Variants in PRKN observed in about 807,000 individuals in gnomAD.
The protein encoded by PRKN is parkin RBR E3 ubiquitin protein ligase, also known as E3 ubiquitin-protein ligase parkin.
A neutral mutation model predicts 59.5 loss-of-function variants in PRKN; 56 were observed. That is an observed-to-expected ratio of 0.94 (90% CI 0.76 to 1.18). The LOEUF (loss-of-function observed/expected upper bound fraction) is 1.18. PRKN is among the 50% of genes most tolerant of loss of function. The pLI is 0.00. For missense variants in PRKN, 657 were observed against 596.4 expected, an observed-to-expected ratio of 1.10 and a Z score of -1.06; for synonymous variants, 250 against 222.1, an observed-to-expected ratio of 1.13 and a Z score of -1.12.
chr6:162,627,705 A>G (rs1417715384), intron 1 of PRKN, among the ~76,000 whole-genome samples: 4 of 152,186 alleles, frequency 2.6e-5, no homozygotes, highest in Non-Finnish European at 5.9e-5. Context: ...AGGTGGAGAG[A>G]CACAAGAATC....
At chr6:162,222,995 C>T (rs1353751205) in intron 3 of PRKN, among the ~76,000 whole-genome samples, 15 of 148,830 alleles carry the variant, frequency 1.0e-4, no homozygotes, top group Non-Finnish European at 2.1e-4. Context: ...TCTCCTAATG[C>T]TATCCCTCCC....
intron 3 of PRKN, among the ~76,000 whole-genome samples, chr6:162,245,275 C>A (rs1253867150): frequency 2.0e-5 from 3 of 152,002 alleles, no homozygotes; most frequent in Admixed American, 6.6e-5. Flanking sequence ...AGCAGACAAC[C>A]TCAAATATTA....
rs538539524 is a variant in PRKN, at chr6:162,314,112, T to C, written c.172-51347A>G. On this transcript the variant is annotated intron_variant, in intron 2 of 11. Coordinates refer to ENST00000366898, the MANE Select transcript of PRKN (RefSeq NM_004562.3). Reference sequence around the variant, plus strand: ...TGTAGCGCTTGCTCTCTGAGGTGTGTCTACTACACAACACAGAGTTCCCAT... The same window carrying C: ...TGTAGCGCTTGCTCTCTGAGGTGTGCCTACTACACAACACAGAGTTCCCAT... 9.3e-4 allele frequency among the ~76,000 whole-genome samples: 141 copies of C among 152,236 alleles called. 5 individuals carry two copies. The highest frequency in any genetic ancestry group is 9.2e-3 in the Admixed American group (140 of 15,284).
intron 2 of PRKN, among the ~76,000 whole-genome samples, chr6:162,327,959 G>A (rs1783373051): frequency 3.9e-5 from 6 of 152,116 alleles, no homozygotes; most frequent in Admixed American, 3.9e-4. Flanking sequence ...TTGGATCACA[G>A]ACGGAGATCC....
chr6:161,608,169 T>C (rs370087357), intron 7 of PRKN, among the ~76,000 whole-genome samples: 6 of 152,176 alleles, frequency 3.9e-5, no homozygotes, highest in African/African-American at 1.4e-4. Context: ...TGTCTCCAAT[T>C]GGAAAAATTG....
chr6:162,362,086 A>G (rs1018618921), intron 2 of PRKN, among the ~76,000 whole-genome samples: 2 of 152,214 alleles, frequency 1.3e-5, no homozygotes, highest in African/African-American at 2.4e-5. Context: ...ACATTTTGCC[A>G]AATATGCAGT....
intron 6 of PRKN, among the ~76,000 whole-genome samples, chr6:161,902,550 T>TATCTATCTATCTATC (rs1554245408): frequency 0.14 from 13,670 of 99,680 alleles, 936 homozygotes; most frequent in South Asian, 0.15. Context: ...ATCTATCTAT[T>TATCTATCTATCTATC]TATTTATTTA....
intron 5 of PRKN, among the ~76,000 whole-genome samples, chr6:161,976,317 C>T (rs1781029294): frequency 2.0e-5 from 3 of 152,306 alleles, no homozygotes; most frequent in Admixed American, 6.5e-5. Context: ...CTAAACCTAT[C>T]CTATCTGGGG....
At chr6:162,587,500 T>C (rs1031998340) in intron 1 of PRKN, among the ~76,000 whole-genome samples, 4 of 152,142 alleles carry the variant, frequency 2.6e-5, no homozygotes, top group African/African-American at 9.7e-5. Flanking sequence ...GTCTCACTTC[T>C]TGACCTGGTA....
chr6:161,946,803 T>C (rs896198498), intron 6 of PRKN, among the ~76,000 whole-genome samples: 2 of 152,164 alleles, frequency 1.3e-5, no homozygotes, highest in Admixed American at 6.6e-5. Flanking sequence ...TGTCTACTAA[T>C]AGAGCAAAGC....
At chr6:162,107,333 C>A (rs193014872) in intron 4 of PRKN, among the ~76,000 whole-genome samples, 1 of 152,258 alleles carries the variant, frequency 6.6e-6, no homozygotes, top group Non-Finnish European at 1.5e-5. Flanking sequence ...GGCATGGCGG[C>A]AGGCGCCTGT....
intron 1 of PRKN, among the ~76,000 whole-genome samples, chr6:162,519,009 A>G (rs1777978333): frequency 6.6e-6 from 1 of 152,096 alleles, no homozygotes; most frequent in East Asian, 1.9e-4. Flanking sequence ...GCACTTTAGG[A>G]AAATATAAAA....
intron 4 of PRKN, among the ~76,000 whole-genome samples, chr6:162,079,392 G>A (rs1778966436): frequency 6.6e-6 from 1 of 151,988 alleles, no homozygotes. Flanking sequence ...TTTGTAAATC[G>A]GTGTCCTCTT....
intron 1 of PRKN, among the ~76,000 whole-genome samples, chr6:162,464,760 C>T (rs1010718671): frequency 2.0e-5 from 3 of 150,916 alleles, no homozygotes; most frequent in Admixed American, 6.6e-5. Context: ...ACCCAGAAGG[C>T]GGAGCTTGCA....
chr6:162,458,834 T>C (rs548055080), intron 1 of PRKN, among the ~76,000 whole-genome samples: 2 of 152,290 alleles, frequency 1.3e-5, no homozygotes, highest in East Asian at 1.9e-4. Flanking sequence ...GTTTTGTTTT[T>C]AAGACAGGGT....
intron 7 of PRKN, among the ~76,000 whole-genome samples, chr6:161,666,819 C>T (rs1313228163): frequency 1.3e-5 from 2 of 152,138 alleles, no homozygotes; most frequent in East Asian, 3.9e-4. Flanking sequence ...CAGAACACTC[C>T]AGCACACTTT....
intron 1 of PRKN, among the ~76,000 whole-genome samples, chr6:162,454,789 C>G (rs1790788673): frequency 6.6e-6 from 1 of 152,234 alleles, no homozygotes; most frequent in African/African-American, 2.4e-5. Context: ...AAGGAATACA[C>G]TCAATCTCCC....
chr6:161,905,244 C>T (rs1366505767), intron 6 of PRKN, among the ~76,000 whole-genome samples: 1 of 152,178 alleles, frequency 6.6e-6, no homozygotes, highest in African/African-American at 2.4e-5. Context: ...GAAATAGACA[C>T]ACTCGTGACA....
chr6:162,555,648 T>C (rs1779531919), intron 1 of PRKN, among the ~76,000 whole-genome samples: 1 of 152,098 alleles, frequency 6.6e-6, no homozygotes, highest in Non-Finnish European at 1.5e-5. Context: ...AAAAAAAATT[T>C]AAGTTTCATC....
Sources: allele counts gnomAD v4.1 joint callset (sites outside exome capture counted in the v4.1 genomes callset), GRCh38; gene constraint gnomAD v4.1.1; transcripts MANE v1.5; gene names NCBI Gene and HGNC (gene_info 2026-07-23, HGNC 2026-07-21).